Variants in NT5C1B observed in about 807,000 individuals in gnomAD.
The protein encoded by NT5C1B is 5'-nucleotidase, cytosolic IB, also known as cytosolic 5'-nucleotidase 1B.
A neutral mutation model predicts 57.8 loss-of-function variants in NT5C1B; 44 were observed. The ratio of observed to expected loss-of-function variants is 0.76; its 90% confidence interval spans 0.60 to 0.98. NT5C1B has a LOEUF of 0.98. NT5C1B is among the 50% of genes least tolerant of loss of function. The pLI is 0.00. For synonymous variants in NT5C1B, 284 were observed against 282.6 expected, an observed-to-expected ratio of 1.00 and a Z score of -0.05; for missense variants, 742 against 719.5, an observed-to-expected ratio of 1.03 and a Z score of -0.36.
Position 18,584,995 on chromosome 2 carries a change from G to A in NT5C1B, c.259-17C>T. The A allele has an allele frequency of 6.4e-7, 1 of 1,565,444 alleles. No homozygotes were observed. Among genetic ancestry groups the A allele is most frequent in the Admixed American group, 1.8e-5 (1 of 56,722 alleles). ...GCTGGGGAGCTGCAGCAAGACAATG[G>A]GCGTCTGAAGTCGAGGCCTGCCTGC... On this transcript the variant is annotated splice_polypyrimidine_tract_variant and intron_variant, in intron 3 of 8. Coordinates refer to ENST00000304081, the Ensembl canonical transcript of NT5C1B. This position sits in a 1 kb window ranked among gnomAD's most constrained non-coding sequence, Gnocchi z 5.8.
In NT5C1B at chr2:18,587,484, G is replaced by T. The variant is rs1399337416; in HGVS notation, c.120+19C>A. ...TCTGCTCCTTAATTTCCTCACCTCTGCTACAGAGATCAGCTCACCTGATTG... is the reference window on the plus strand; with the variant it reads ...TCTGCTCCTTAATTTCCTCACCTCTTCTACAGAGATCAGCTCACCTGATTG... On this transcript the variant is annotated intron_variant, in intron 2 of 8. Transcript: ENST00000304081. The T allele has an allele frequency of 1.9e-6, 3 of 1,608,854 alleles. No individual in the cohort carries two copies. Among genetic ancestry groups the T allele is most frequent in the Non-Finnish European group, 2.5e-6 (3 of 1,179,182 alleles).
chr2:18,582,741 C>G, intron 6 of NT5C1B, 127 bp downstream of exon 6: 1 of 1,381,510 alleles, frequency 7.2e-7, no homozygotes, highest in Non-Finnish European at 9.6e-7. Context: ...AATAAACATT[C>G]CTGGCGCAGA....
chr2:18,568,093 C>CACACACACACACAA (rs1664813212), intron 8 of NT5C1B, among the ~76,000 whole-genome samples: 1 of 138,722 alleles, frequency 7.2e-6, no homozygotes, highest in African/African-American at 3.1e-5. Flanking sequence ...GTGGGACACA[C>CACACACACACACAA]ACACACACAC....
At chr2:18,576,874 C>T (rs149545160) in exon 7 of NT5C1B, 1 of 1,613,750 alleles carries the variant, frequency 6.2e-7, no homozygotes, top group Non-Finnish European at 8.5e-7. Context: ...CCCGGTCAGA[C>T]AGAAGCGGTC....
In NT5C1B at chr2:18,584,153, T is replaced by C. The variant is rs1442909584; in HGVS notation, c.826A>G (p.Met276Val). ...TTCTCATTGGTGAGCTGATACTCCA[T>C]GTACTTTTCCAGACCCTCTTGCTCG... Residue 276 changes from methionine to valine, a missense_variant, in exon 5 of 9, where the codon ATG becomes GTG. Met to Val is a conservative substitution (Grantham distance 21). Transcript: ENST00000304081. This position sits in a 1 kb window ranked among gnomAD's most constrained non-coding sequence, Gnocchi z 5.8. 5 of 1,614,166 alleles carry C rather than the reference T, an allele frequency of 3.1e-6. No individual in the cohort carries two copies. The highest frequency in any genetic ancestry group is 1.1e-5 in the South Asian group (1 of 91,074).
intron 8 of NT5C1B, 70 bp from the exon 9 acceptor site, chr2:18,564,189 C>A: frequency 6.7e-7 from 1 of 1,483,624 alleles, no homozygotes; most frequent in South Asian, 1.4e-5. Flanking sequence ...AAAGCAGAGA[C>A]CTATATGATA....
intron 8 of NT5C1B, among the ~76,000 whole-genome samples, chr2:18,570,469 C>T (rs753284385): frequency 3.2e-4 from 48 of 151,838 alleles, no homozygotes; most frequent in Non-Finnish European, 5.7e-4. Flanking sequence ...GAGTTTATGT[C>T]CATAAATTCA....
chr2:18,582,598 A>G (rs956995484), intron 6 of NT5C1B, among the ~76,000 whole-genome samples: 4 of 152,242 alleles, frequency 2.6e-5, no homozygotes, highest in African/African-American at 9.6e-5. Context: ...AAAACATACA[A>G]CAGAGAAATA....
At position 18,584,509 on chromosome 2, in the gene NT5C1B, C is replaced by T. The variant is rs1289889642; in HGVS notation, c.723+5G>A. 8 of 1,606,660 alleles carry T rather than the reference C, an allele frequency of 5.0e-6. No homozygotes were observed. Among genetic ancestry groups the T allele is most frequent in the Non-Finnish European group, 6.8e-6 (8 of 1,177,198 alleles). ...CCGGCTGCCAGGGGCGGCGGGCTGG[C>T]TCACCGGCCAGGGGCGCGAGCAGCT... On this transcript the variant is annotated splice_donor_5th_base_variant and intron_variant, in intron 4 of 8. Transcript: ENST00000304081. The surrounding 1 kb of genome is among the most constrained non-coding windows in gnomAD (Gnocchi z 5.8).
chr2:18,584,997 C>T lies in NT5C1B; in HGVS notation c.259-19G>A. ...TGGGGAGCTGCAGCAAGACAATGGGCGTCTGAAGTCGAGGCCTGCCTGCCC... is the reference window on the plus strand; with the variant it reads ...TGGGGAGCTGCAGCAAGACAATGGGTGTCTGAAGTCGAGGCCTGCCTGCCC... On this transcript the variant is annotated intron_variant, in intron 3 of 8. Coordinates refer to ENST00000304081, the Ensembl canonical transcript of NT5C1B. This position sits in a 1 kb window ranked among gnomAD's most constrained non-coding sequence, Gnocchi z 5.8. The T allele has an allele frequency of 6.4e-7, 1 of 1,565,830 alleles. No homozygotes were observed. Among genetic ancestry groups the T allele is most frequent in the Non-Finnish European group, 8.6e-7 (1 of 1,162,604 alleles).
chr2:18,569,507 A>G (rs1003848457), intron 8 of NT5C1B, among the ~76,000 whole-genome samples: 3 of 152,174 alleles, frequency 2.0e-5, no homozygotes, highest in South Asian at 4.1e-4. Context: ...TAAGTTAAAT[A>G]TAAACACAAT....
exon 9 of NT5C1B, chr2:18,564,009 A>G (rs1200367949): frequency 1.2e-6 from 2 of 1,613,902 alleles, no homozygotes; most frequent in African/African-American, 1.3e-5. Flanking sequence ...AACTGGCTGC[A>G]CTCCTAGCTG....
Position 18,584,481 on chromosome 2 carries a change from G to C in NT5C1B, c.723+33C>G, listed in dbSNP as rs368219820. 3 of 1,591,008 alleles carry C rather than the reference G, an allele frequency of 1.9e-6. No individual in the cohort carries two copies. Among genetic ancestry groups the C allele is most frequent in the East Asian group, 2.3e-5 (1 of 43,546 alleles). On this transcript the variant is annotated intron_variant, in intron 4 of 8. Transcript: ENST00000304081. The surrounding 1 kb of genome is among the most constrained non-coding windows in gnomAD (Gnocchi z 5.8). The stretch of plus-strand genomic sequence containing the variant: ...GCTGGAAGAGGCTGCAAGGAAGGGC[G>C]CCCCGGCTGCCAGGGGCGGCGGGCT...
chr2:18,563,924 G>A (rs1342485020), exon 9 of NT5C1B: 1 of 1,614,156 alleles, frequency 6.2e-7, no homozygotes, highest in Non-Finnish European at 8.5e-7. Context: ...GGACTTTTGG[G>A]GGCTCCAGCA....
At chr2:18,568,950 CTGTGCCA>C (rs1664903275) in intron 8 of NT5C1B, among the ~76,000 whole-genome samples, 1 of 152,238 alleles carries the variant, frequency 6.6e-6, no homozygotes. Context: ...CCTCCTGAGG[CTGTGCCA>C]TGCATGCGTA....
At position 18,584,381 on chromosome 2, in the gene NT5C1B, C is replaced by G; in HGVS notation, c.724-126G>C. ...GCTTGGAGAAGCGGGATGCTGGAGA[C>G]AGCTGAGGCTGGGACTCCCCGAAGT... On this transcript the variant is annotated intron_variant, in intron 4 of 8. Coordinates refer to ENST00000304081, the Ensembl canonical transcript of NT5C1B. The surrounding 1 kb of genome is among the most constrained non-coding windows in gnomAD (Gnocchi z 5.8). The G allele has an allele frequency of 6.5e-7, 1 of 1,533,738 alleles. No homozygotes were observed.
Position 18,584,763 on chromosome 2 carries a change from T to C in NT5C1B, c.474A>G (p.Gln158=), listed in dbSNP as rs1666534184. ...TCTGGCGGATTTCCCGCACGATGCC[T>C]TGGGCCCAGGCCTCCGGATTCTCTT... Residue 158 remains glutamine (Q), a synonymous_variant, in exon 4 of 9, where the codon CAA becomes CAG. Transcript: ENST00000304081. This position sits in a 1 kb window ranked among gnomAD's most constrained non-coding sequence, Gnocchi z 5.8. 1.2e-6 allele frequency: 2 copies of C among 1,613,650 alleles called. No homozygotes were observed. The highest frequency in any genetic ancestry group is 2.2e-5 in the South Asian group (2 of 91,066).
At chr2:18,580,632 AT>A (rs2148148459) in intron 6 of NT5C1B, among the ~76,000 whole-genome samples, 1 of 152,312 alleles carries the variant, frequency 6.6e-6, no homozygotes, top group Non-Finnish European at 1.5e-5. Context: ...AACAAAAAGA[AT>A]ATATGCACAC....
In NT5C1B at chr2:18,577,533, C is replaced by G. The variant is rs371541021; in HGVS notation, c.1022-638G>C. Among the ~76,000 whole-genome samples, 3 of 149,482 alleles carry G rather than the reference C, an allele frequency of 2.0e-5. No homozygotes were observed. The East Asian group carries it at 5.9e-4, about 29-fold the overall frequency. Reference sequence around the variant, plus strand: ...TTTTGGGTAAACAATGAAATTAAGGCAGAAATCAAGAAATTATTTGAAGCT... The same window carrying G: ...TTTTGGGTAAACAATGAAATTAAGGGAGAAATCAAGAAATTATTTGAAGCT... On this transcript the variant is annotated intron_variant, in intron 6 of 8. Transcript: ENST00000304081.
Sources: allele counts gnomAD v4.1 joint callset (sites outside exome capture counted in the v4.1 genomes callset), GRCh38; gene constraint gnomAD v4.1.1; non-coding constraint Gnocchi (gnomAD v3.1); transcripts MANE v1.5; gene names NCBI Gene and HGNC (gene_info 2026-07-23, HGNC 2026-07-21).